HAGH: variants seen among roughly 807,000 people sequenced by gnomAD.
HAGH encodes hydroxyacylglutathione hydrolase, mitochondrial.
Under a neutral mutation model 35.1 loss-of-function variants are expected in HAGH, and 29 were observed. The observed-to-expected ratio is 0.83, with a 90% confidence interval of 0.62 to 1.13. The LOEUF is 1.13. HAGH is among the 50% of genes most tolerant of loss of function. The pLI, the probability that HAGH is intolerant of heterozygous loss-of-function variation, is 0.00. For synonymous variants in HAGH, 225 were observed against 176.1 expected (o/e 1.28, Z -2.20); for missense variants, 478 against 419.6 (o/e 1.14, Z -1.22).
chr16:1,823,884 A>G (rs896600509), intron 1 of HAGH, among the ~76,000 whole-genome samples: 1 of 152,032 alleles, frequency 6.6e-6, no homozygotes, highest in Non-Finnish European at 1.5e-5. Flanking sequence ...TGAGAACTCT[A>G]AAAGGACAGG....
intron 2 of HAGH, 111 bp from the exon 3 acceptor site, chr16:1,822,475 G>T: frequency 3.6e-6 from 3 of 843,712 alleles, no homozygotes; most frequent in South Asian, 2.7e-5. Flanking sequence ...AGGGGCCGCT[G>T]ACATGGCCCG....
chr16:1,809,670 G>T (rs190563375), intron 8 of HAGH, 84 bp downstream of exon 8: 6 of 991,124 alleles, frequency 6.1e-6, no homozygotes, highest in South Asian at 1.3e-5. Flanking sequence ...AGCCATCTGG[G>T]GTCTCGGACG....
In HAGH at chr16:1,809,738, C is replaced by T. The variant is rs767567936; in HGVS notation, c.827+16G>A. ...GAGGGGAGGGGCCCGCGCCCACCAC[C>T]TGCCCTGGGCCTCACCTCACTCTCA... On this transcript the variant is annotated intron_variant, in intron 8 of 8. Transcript: ENST00000397356. 117 of 1,590,444 alleles carry T rather than the reference C, an allele frequency of 7.4e-5. No individual in the cohort carries two copies. The highest frequency in any genetic ancestry group is 9.7e-5 in the Non-Finnish European group (112 of 1,158,552).
At chr16:1,818,230 C>T (rs1327064570) in intron 5 of HAGH, among the ~76,000 whole-genome samples, 40 of 152,142 alleles carry the variant, frequency 2.6e-4, no homozygotes, top group Non-Finnish European at 5.9e-4. Flanking sequence ...GTGCTCGCTG[C>T]CCTGAGAAGA....
chr16:1,809,907 T>G (rs1897562496), intron 7 of HAGH, 74 bp from the exon 8 acceptor site: 1 of 1,097,928 alleles, frequency 9.1e-7, no homozygotes, highest in South Asian at 1.3e-5. Context: ...CTCACGTCTG[T>G]GATACCAGCA....
At position 1,809,312 on chromosome 16, in the gene HAGH, T is replaced by C. The variant is rs375109266; in HGVS notation, c.898A>G (p.Lys300Glu). 21 of 1,613,512 alleles carry C rather than the reference T, an allele frequency of 1.3e-5. No homozygotes were observed. Among genetic ancestry groups the C allele is most frequent in the African/African-American group, 2.7e-5 (2 of 75,016 alleles). The change falls in exon 9 of 9, where the codon AAG becomes GAG. Residue 300 changes from lysine to glutamate, a missense_variant. Transcript: ENST00000397356. ...TCCCGGGGCATCTTGAACTGGTCCT[T>C]CTCCCTGCGCACGGCCCGCATGGTG... Reference protein sequence around the residue: ...VTTMRAVRREKDQFKMPRD With the variant: ...VTTMRAVRREEDQFKMPRD
chr16:1,817,489 A>G (rs982984890), intron 5 of HAGH, among the ~76,000 whole-genome samples: 3 of 152,260 alleles, frequency 2.0e-5, no homozygotes, highest in South Asian at 4.1e-4. Flanking sequence ...CTGGCCGAGC[A>G]GACCCGAAAC....
At chr16:1,820,275 A>G (rs959839133) in intron 3 of HAGH, among the ~76,000 whole-genome samples, 1 of 129,662 alleles carries the variant, frequency 7.7e-6, no homozygotes. Context: ...TCCCACCCCC[A>G]CATCCTAGGG....
intron 4 of HAGH, 51 bp downstream of exon 4, chr16:1,819,846 C>T: frequency 8.8e-7 from 1 of 1,135,850 alleles, no homozygotes; most frequent in Non-Finnish European, 1.3e-6. Context: ...CCCCCCTCCC[C>T]CACGCTCCTG....
At chr16:1,818,330 A>G (rs60227856) in intron 5 of HAGH, among the ~76,000 whole-genome samples, 33,815 of 151,928 alleles carry the variant, frequency 0.22, 3,844 homozygotes, top group East Asian at 0.28. Flanking sequence ...GCCTGAAGGC[A>G]CCTTATCCCT....
intron 7 of HAGH, chr16:1,810,062 G>A: frequency 1.8e-6 from 1 of 554,680 alleles, no homozygotes; most frequent in East Asian, 3.1e-5. Context: ...CTACTCAGGG[G>A]GCTGAGGTGG....
chr16:1,821,537 C>A (rs1164603548), intron 3 of HAGH: 1 of 152,240 alleles, frequency 6.6e-6, no homozygotes, highest in East Asian at 1.9e-4. Flanking sequence ...CAAACAACGG[C>A]CTTGAGCAGG....
Position 1,809,255 on chromosome 16 carries a change from C to A in HAGH, c.*28G>T. On this transcript the variant is annotated 3_prime_UTR_variant, in exon 9 of 9. Transcript: ENST00000397356. ...CCAGTTACCTAAAAGAGCCTAATCCCCAAATCCGCTGAAGGTGCAGGGCGG... is the reference window on the plus strand; with the variant it reads ...CCAGTTACCTAAAAGAGCCTAATCCACAAATCCGCTGAAGGTGCAGGGCGG... 1 of 1,504,280 alleles carries A rather than the reference C, an allele frequency of 6.6e-7. No individual in the cohort carries two copies. The highest frequency in any genetic ancestry group is 9.2e-7 in the Non-Finnish European group (1 of 1,090,534). The allele number at this position is 1,504,280 out of a possible 1,614,324, so 93.2% of individuals were successfully genotyped here.
intron 1 of HAGH, among the ~76,000 whole-genome samples, chr16:1,823,320 T>C (rs1371160513): frequency 6.7e-6 from 1 of 148,602 alleles, no homozygotes; most frequent in Non-Finnish European, 1.5e-5. Flanking sequence ...CAGGCTGGAG[T>C]GCAGTGGCGC....
rs765470428 is a variant in HAGH at position 1,810,254 on chromosome 16, C to A, written c.748-421G>T. 180 of 176,114 alleles carry A rather than the reference C, an allele frequency of 1.0e-3. 1 individual carries two copies. The highest frequency in any genetic ancestry group is 1.2e-3 in the Non-Finnish European group (101 of 81,988). The allele number at this position is 176,114 out of a possible 1,614,324, so 10.9% of individuals were successfully genotyped here. ...GTGAGCAGAGCCCGGCGGGTGTGCG[C>A]GTGTGGAAGAGGGAAGAGAAGCCAG... On this transcript the variant is annotated intron_variant, in intron 7 of 8. Transcript: ENST00000397356.
At chr16:1,815,075 T>C (rs956856231) in intron 7 of HAGH, among the ~76,000 whole-genome samples, 2 of 151,830 alleles carry the variant, frequency 1.3e-5, no homozygotes, top group African/African-American at 4.8e-5. Flanking sequence ...ATAAACTTCA[T>C]GAGAAGGCAT....
At chr16:1,827,130 C>T (rs1898479459), upstream of HAGH, 8 of 1,449,172 alleles carry the variant, frequency 5.5e-6, no homozygotes, top group South Asian at 4.0e-5. Context: ...GTGGAACGGG[C>T]CGTCGCTGCG....
In HAGH at chr16:1,809,096, G is replaced by C. The variant is rs896115526; in HGVS notation, c.*187C>G. 1.4e-5 allele frequency: 8 copies of C among 557,730 alleles called. No individual in the cohort carries two copies. The highest frequency in any genetic ancestry group is 1.1e-4 in the African/African-American group (6 of 52,918). 34.5% of individuals were successfully genotyped at this position (557,730 alleles called of 1,614,324 possible). A position where few individuals can be genotyped will look rare whatever the true frequency, so the allele number is the denominator to read the frequency against. Reference sequence around the variant, plus strand: ...AAGGCCAGAAGAAAACAGTCTGCAAGGGGAAGTTATGGGAATAAATACTTG... The same window carrying C: ...AAGGCCAGAAGAAAACAGTCTGCAACGGGAAGTTATGGGAATAAATACTTG... On this transcript the variant is annotated 3_prime_UTR_variant, in exon 9 of 9. Transcript: ENST00000397356.
chr16:1,817,875 T>G (rs59726966), intron 5 of HAGH, among the ~76,000 whole-genome samples: 14,056 of 152,302 alleles, frequency 0.092, 797 homozygotes, highest in African/African-American at 0.16. Flanking sequence ...CGTGGCCGTC[T>G]GCCCCAGAAA....
Sources: gnomAD v4.1 joint callset for allele counts (sites outside exome capture counted in the v4.1 genomes callset) on GRCh38, gnomAD v4.1.1 for gene constraint, MANE v1.5 for transcripts, NCBI Gene and HGNC (gene_info 2026-07-23, HGNC 2026-07-21) for gene names.